The following FGD5 variants were observed in gnomAD, a reference collection of about 807,000 sequenced individuals.
The protein encoded by FGD5 is FYVE, RhoGEF and PH domain-containing protein 5.
FGD5 carries 28 observed loss-of-function variants against 133.4 expected under a neutral mutation model. That is an observed-to-expected ratio of 0.21 (90% confidence interval 0.16 to 0.29). FGD5 has a LOEUF of 0.29. Among genes scored for constraint, FGD5 ranks in the 10% least tolerant of loss-of-function variants. The pLI, the probability that FGD5 is intolerant of heterozygous loss-of-function variation, is 1.00. For missense variants in FGD5, 1,858 were observed against 1,895.2 expected (o/e 0.98, Z 0.36); for synonymous variants, 810 against 776.5 (o/e 1.04, Z -0.72).
At chr3:14,815,701 CCTT>C (rs2036358528), upstream of FGD5, among the ~76,000 whole-genome samples, 1 of 152,186 alleles carries the variant, frequency 6.6e-6, no homozygotes, top group Non-Finnish European at 1.5e-5. Context: ...GTCACCGTGG[CCTT>C]AGTTTCCCTG....
intron 11 of FGD5, among the ~76,000 whole-genome samples, chr3:14,912,546 T>C (rs2038469455): frequency 6.6e-6 from 1 of 152,184 alleles, no homozygotes; most frequent in South Asian, 2.1e-4. Context: ...GTCGTTTTTT[T>C]TAACCTCTGC....
intron 9 of FGD5, among the ~76,000 whole-genome samples, chr3:14,907,037 C>G (rs897080386): frequency 7.9e-5 from 12 of 152,240 alleles, no homozygotes; most frequent in Non-Finnish European, 1.6e-4. Context: ...GGCAAATTCT[C>G]TACCCACAAT....
chr3:14,900,599 C>T (rs1404567527), intron 8 of FGD5, 146 bp downstream of exon 8: 2 of 876,706 alleles, frequency 2.3e-6, no homozygotes, highest in African/African-American at 3.3e-5. Context: ...ACATCTTGGA[C>T]TTCTGTGAGA....
Position 14,824,056 on chromosome 3 carries a change from C to T in FGD5, c.2525+2460C>T, listed in dbSNP as rs1444130324. ...TGTCTTGAACTGTCAGACTGAATTT[C>T]AAAAGCACGGTTGCACCACTCTGAT... is the stretch of plus-strand genomic sequence containing the variant. On this transcript the variant is annotated intron_variant, in intron 1 of 19. Transcript: ENST00000285046. 5.9e-5 allele frequency among the ~76,000 whole-genome samples: 9 copies of T among 152,322 alleles called. No homozygotes were observed. The East Asian group carries it at 1.7e-3, about 29-fold the overall frequency.
At chr3:14,900,294 G>A (rs1307136080) in intron 7 of FGD5, 109 bp from the exon 8 acceptor site, 1 of 1,072,228 alleles carries the variant, frequency 9.3e-7, no homozygotes, top group East Asian at 2.6e-5. Flanking sequence ...GGGAGAGAGG[G>A]TGGATGCTTC....
chr3:14,898,827 G>A lies in FGD5; in HGVS notation c.3154+1G>A. 6.4e-7 allele frequency: 1 copy of A among 1,573,628 alleles called. No homozygotes were observed. The highest frequency in any genetic ancestry group is 8.6e-7 in the Non-Finnish European group (1 of 1,160,524). On this transcript the variant is annotated splice_donor_variant, in intron 7 of 19. Transcript: ENST00000285046. LOFTEE classifies it high-confidence loss of function. Reference sequence around the variant, plus strand: ...TTCCAGTACCAAGTGCTCCTCACAGGTGGGCCCCACAGGAGATCAATGGGG... The same window carrying A: ...TTCCAGTACCAAGTGCTCCTCACAGATGGGCCCCACAGGAGATCAATGGGG...
At chr3:14,913,378 C>G (rs1401348529) in intron 11 of FGD5, among the ~76,000 whole-genome samples, 4 of 152,160 alleles carry the variant, frequency 2.6e-5, no homozygotes, top group Non-Finnish European at 5.9e-5. Flanking sequence ...GCTCCCTGCC[C>G]CAGCACAGCC....
chr3:14,820,111 A>C lies in FGD5; in HGVS notation c.1040A>C (p.Tyr347Ser). The change falls in exon 1 of 20, where the codon TAT (tyrosine) becomes TCT (serine). Residue 347 changes from tyrosine to serine, a missense_variant. By Grantham distance (144) the Tyr-to-Ser change is moderately radical. Around this residue, in one of 3 missense-constraint regions of FGD5, gnomAD observed 1,824 missense variants for 1,848.9 expected, o/e 0.99. Coordinates refer to ENST00000285046, the MANE Select transcript of FGD5 (RefSeq NM_152536.4). The part of the protein sequence containing the change: ...DFVTSLTGSP[Y>S]EFFPTESTSF... ...GTGACTTCCCTCACAGGAAGCCCCTATGAGTTCTTCCCAACTGAGAGCACC... is the reference window on the plus strand; with the variant it reads ...GTGACTTCCCTCACAGGAAGCCCCTCTGAGTTCTTCCCAACTGAGAGCACC... 1 of 1,614,046 alleles carries C rather than the reference A, an allele frequency of 6.2e-7. No homozygotes were observed.
chr3:14,841,285 A>G (rs1006275267), intron 1 of FGD5, among the ~76,000 whole-genome samples: 9 of 152,202 alleles, frequency 5.9e-5, no homozygotes, highest in East Asian at 3.8e-4. Flanking sequence ...ATCATTGTGA[A>G]GATGATTAAG....
chr3:14,907,522 C>A (rs569490141), intron 9 of FGD5, 118 bp from the exon 10 acceptor site: 2 of 871,914 alleles, frequency 2.3e-6, no homozygotes, highest in East Asian at 5.5e-5. Flanking sequence ...GGATTTGGGG[C>A]AGGCCTTTCC....
intron 1 of FGD5, 106 bp from the exon 2 acceptor site, chr3:14,864,022 T>C: frequency 6.7e-7 from 1 of 1,499,570 alleles, no homozygotes; most frequent in South Asian, 1.3e-5. Context: ...GCCTGAGTCT[T>C]ACTACTTGTT....
At position 14,864,113 on chromosome 3, in the gene FGD5, C is replaced by T; in HGVS notation, c.2526-15C>T. 6.2e-7 allele frequency: 1 copy of T among 1,608,658 alleles called. No individual in the cohort carries two copies. Among genetic ancestry groups the T allele is most frequent in the Non-Finnish European group, 8.5e-7 (1 of 1,176,074 alleles). On this transcript the variant is annotated splice_polypyrimidine_tract_variant and intron_variant, in intron 1 of 19. Coordinates refer to ENST00000285046, the MANE Select transcript of FGD5 (RefSeq NM_152536.4). ...ACAAAAAGCTTTAACCCTTCTTTCC[C>T]CTGCTTTGACCCAGCGCCTACACAG...
intron 18 of FGD5, among the ~76,000 whole-genome samples, chr3:14,927,398 C>G (rs1036485158): frequency 1.3e-5 from 2 of 152,142 alleles, no homozygotes; most frequent in Non-Finnish European, 2.9e-5. Context: ...GGCTGAGGAT[C>G]TCTTGAGGCC....
At chr3:14,876,673 G>T (rs1312016253) in intron 2 of FGD5, among the ~76,000 whole-genome samples, 1 of 152,198 alleles carries the variant, frequency 6.6e-6, no homozygotes, top group Non-Finnish European at 1.5e-5. Flanking sequence ...CACTCGGTTG[G>T]TTGGAATTGT....
intron 1 of FGD5, among the ~76,000 whole-genome samples, chr3:14,832,569 A>G (rs949122418): frequency 3.3e-5 from 5 of 152,072 alleles, no homozygotes; most frequent in African/African-American, 7.2e-5. Context: ...CTTTGGGCAT[A>G]GTTATCCAGT....
At chr3:14,829,652 A>G (rs1322370166) in intron 1 of FGD5, among the ~76,000 whole-genome samples, 1 of 152,226 alleles carries the variant, frequency 6.6e-6, no homozygotes, top group African/African-American at 2.4e-5. Context: ...TAAAAGACAT[A>G]GCAAGAAATA....
chr3:14,823,694 T>C (rs113054413), intron 1 of FGD5, among the ~76,000 whole-genome samples: 1 of 152,228 alleles, frequency 6.6e-6, no homozygotes, highest in Non-Finnish European at 1.5e-5. Flanking sequence ...TAGTGAATTA[T>C]GTGAGGGGAT....
At chr3:14,885,051 G>A (rs374703206) in intron 4 of FGD5, among the ~76,000 whole-genome samples, 1 of 151,620 alleles carries the variant, frequency 6.6e-6, no homozygotes, top group Admixed American at 6.6e-5. Flanking sequence ...ACAGAGGGCT[G>A]TGTAAAGCTT....
At chr3:14,918,079 G>A (rs2038595990) in intron 12 of FGD5, among the ~76,000 whole-genome samples, 1 of 152,226 alleles carries the variant, frequency 6.6e-6, no homozygotes, top group African/African-American at 2.4e-5. Context: ...TTAGGCTGTT[G>A]TGAGTAATAC....
Sources: gnomAD v4.1 joint callset for allele counts (sites outside exome capture counted in the v4.1 genomes callset) on GRCh38, gnomAD v4.1.1 for gene constraint, gnomAD v4.1.1 regional missense constraint, MANE v1.5 for transcripts, NCBI Gene and HGNC (gene_info 2026-07-23, HGNC 2026-07-21) for gene names.